The following TMBIM1 variants were observed in gnomAD, a reference collection of about 807,000 sequenced individuals.
TMBIM1 encodes protein lifeguard 3.
A neutral mutation model predicts 45.1 loss-of-function variants in TMBIM1; 34 were observed. That is an observed-to-expected ratio of 0.75 (90% CI 0.57 to 1.00). TMBIM1 has a LOEUF of 1.00. Among genes scored for constraint, TMBIM1 ranks in the 50% least tolerant of loss-of-function variants. The probability of loss-of-function intolerance (pLI) is 0.00; values close to 1 mark genes in which losing one functional copy is unlikely to be tolerated. For missense variants in TMBIM1, 374 were observed against 402.4 expected, an observed-to-expected ratio of 0.93 and a Z score of 0.60; for synonymous variants, 157 against 153.5, an observed-to-expected ratio of 1.02 and a Z score of -0.17.
Position 218,275,491 on chromosome 2 carries a change from A to G in TMBIM1, c.920T>C (p.Met307Thr). The G allele has an allele frequency of 6.2e-7, 1 of 1,613,826 alleles. No homozygotes were observed. Among genetic ancestry groups the G allele is most frequent in the Non-Finnish European group, 8.5e-7 (1 of 1,179,834 alleles). Reference sequence around the variant, plus strand: ...GCTTGCTCCTTAATTGCGATCCCCCATCAGCTGCAGCACAAAGGTGAAGAT... The same window carrying G: ...GCTTGCTCCTTAATTGCGATCCCCCGTCAGCTGCAGCACAAAGGTGAAGAT... ...IYIFTFVLQL[M>T]GDRN is the part of the protein sequence containing the mutation. Residue 307 changes from methionine (M) to threonine (T), a missense_variant, in exon 12 of 12, where the codon ATG becomes ACG. Transcript: ENST00000258412.
intron 11 of TMBIM1, 117 bp from the exon 12 acceptor site, chr2:218,275,738 A>C: frequency 2.4e-6 from 3 of 1,263,878 alleles, no homozygotes; most frequent in Non-Finnish European, 3.3e-6. Flanking sequence ...GGCCACATTA[A>C]CGCACAGCAT....
At chr2:218,286,073 G>C (rs1007600599) in intron 1 of TMBIM1, 5 of 154,576 alleles carry the variant, frequency 3.2e-5, no homozygotes, top group Non-Finnish European at 7.3e-5. Context: ...ACAGAGTGAG[G>C]ACTAGAAATC....
chr2:218,276,930 T>C, intron 10 of TMBIM1, 74 bp downstream of exon 10: 1 of 1,309,598 alleles, frequency 7.6e-7, no homozygotes, highest in Non-Finnish European at 1.1e-6. Context: ...CTTTGGGGCC[T>C]GCGAGACCAT....
intron 1 of TMBIM1, among the ~76,000 whole-genome samples, chr2:218,288,730 C>T (rs905235087): frequency 2.0e-5 from 3 of 152,098 alleles, no homozygotes; most frequent in Non-Finnish European, 4.4e-5. Context: ...TAGATGTCTG[C>T]CCCCATGGCT....
At chr2:218,275,769 T>C (rs1691139186) in intron 11 of TMBIM1, 148 bp from the exon 12 acceptor site, 2 of 1,063,016 alleles carry the variant, frequency 1.9e-6, no homozygotes, top group East Asian at 5.0e-5. Flanking sequence ...CTCTATACTG[T>C]AGCTGCTCAC....
At chr2:218,282,291 C>T in intron 1 of TMBIM1, 110 bp from the exon 2 acceptor site, 1 of 605,702 alleles carries the variant, frequency 1.7e-6, no homozygotes, top group Non-Finnish European at 2.7e-6. Flanking sequence ...AGGAACACCA[C>T]CTATTTTCTC....
chr2:218,275,530 G>A lies in TMBIM1; in HGVS notation c.881C>T (p.Thr294Ile). Residue 294 changes from threonine to isoleucine, a missense_variant, in exon 12 of 12, where the codon ACA (threonine) becomes ATA (isoleucine). Transcript: ENST00000258412. Reference protein sequence around the residue: ...DYITGALQIYTDIIYIFTFVL... With the variant: ...DYITGALQIYIDIIYIFTFVL... Reference sequence around the variant, plus strand: ...AAAGGTGAAGATGTAGATGATGTCTGTGTAAATCTGCAGGGCGCCAGTGAT... The same window carrying A: ...AAAGGTGAAGATGTAGATGATGTCTATGTAAATCTGCAGGGCGCCAGTGAT... 6.2e-7 allele frequency: 1 copy of A among 1,614,180 alleles called. No homozygotes were observed. Among genetic ancestry groups the A allele is most frequent in the South Asian group, 1.1e-5 (1 of 91,086 alleles).
intron 1 of TMBIM1, among the ~76,000 whole-genome samples, chr2:218,283,706 CTCTTT>C (rs1377631441): frequency 7.2e-5 from 11 of 152,166 alleles, no homozygotes; most frequent in Admixed American, 3.9e-4. Flanking sequence ...CTTATCTCTT[CTCTTT>C]TATGACAACT....
rs1372255191 is a variant in TMBIM1 at position 218,277,514 on chromosome 2, TCAC to T, written c.552-64_552-62del. On this transcript the variant is annotated intron_variant, in intron 8 of 11. Coordinates refer to ENST00000258412, the MANE Select transcript of TMBIM1 (RefSeq NM_022152.6). ...AAGCCACGTATGAATGACTTCAAAA[TCAC>T]CACTTCCAGAGGGGACCTGCCCAGA... is the stretch of plus-strand genomic sequence containing the variant. 58 of 1,608,560 alleles carry T rather than the reference TCAC, an allele frequency of 3.6e-5. No homozygotes were observed. The East Asian group carries it at 1.3e-3, about 35-fold the overall frequency.
intron 1 of TMBIM1, among the ~76,000 whole-genome samples, chr2:218,292,021 TGCCAGGCCCTG>T (rs1385516967): frequency 6.6e-6 from 1 of 151,102 alleles, no homozygotes; most frequent in African/African-American, 2.4e-5. Context: ...CTGGGGTCCG[TGCCAGGCCCTG>T]GCTGTCTCCC....
rs1319828881 is a variant in TMBIM1, at chr2:218,282,068, C to T, written c.74G>A (p.Gly25Asp). 1.3e-6 allele frequency: 2 copies of T among 1,595,648 alleles called. No individual in the cohort carries two copies. Among genetic ancestry groups the T allele is most frequent in the South Asian group, 1.1e-5 (1 of 88,606 alleles). Reference protein sequence around the residue: ...PLYPGPPPPGGYGQPSVLPGG... With the variant: ...PLYPGPPPPGDYGQPSVLPGG... ...TGGCAGGACAGATGGCTGCCCATAG[C>T]CCCCAGGGGGCGGAGGGCCTGGGTA... The change falls in exon 2 of 12, where the codon GGC becomes GAC. Residue 25 changes from glycine (G) to aspartate (D), a missense_variant. Coordinates refer to ENST00000258412, the MANE Select transcript of TMBIM1 (RefSeq NM_022152.6).
intron 6 of TMBIM1, 80 bp from the exon 7 acceptor site, chr2:218,278,054 T>TG (rs1194949157): frequency 1.3e-6 from 2 of 1,500,580 alleles, no homozygotes; most frequent in Admixed American, 3.6e-5. Flanking sequence ...AGGAAGCGCT[T>TG]GGCTCCTGTG....
Position 218,275,603 on chromosome 2 carries a change from G to T in TMBIM1, c.808C>A (p.Gln270Lys). 6.2e-7 allele frequency: 1 copy of T among 1,613,058 alleles called. No individual in the cohort carries two copies. Residue 270 changes from glutamine to lysine, a missense_variant, in exon 12 of 12, where the codon CAG becomes AAG. Physicochemically the swap from Gln to Lys is moderately conservative, Grantham distance 53. Coordinates refer to ENST00000258412, the MANE Select transcript of TMBIM1 (RefSeq NM_022152.6). ...CFTLFLAYDTQLVLGNRKHTI... is the reference protein window; with the variant it reads ...CFTLFLAYDTKLVLGNRKHTI... ...TGCTTCCGGTTCCCCAGGACCAGCT[G>T]TGTGTCGTAAGCCAGGAACTGCAAG...
chr2:218,281,886 T>G, intron 2 of TMBIM1, 54 bp downstream of exon 2: 1 of 1,452,632 alleles, frequency 6.9e-7, no homozygotes, highest in Non-Finnish European at 9.4e-7. Context: ...TGGCCTCATC[T>G]GCTCCAAGTG....
At chr2:218,289,625 GAAAAAAAA>G (rs10675061) in intron 1 of TMBIM1, among the ~76,000 whole-genome samples, 3 of 87,788 alleles carry the variant, frequency 3.4e-5, no homozygotes, top group Non-Finnish European at 6.3e-5. Flanking sequence ...CTGGGCGACA[GAAAAAAAA>G]AAAAAAAAAA....
intron 1 of TMBIM1, among the ~76,000 whole-genome samples, chr2:218,290,762 T>G (rs1481588421): frequency 6.6e-6 from 1 of 152,212 alleles, no homozygotes; most frequent in Non-Finnish European, 1.5e-5. Context: ...TGGATATCAT[T>G]TCTACTTCAA....
Position 218,287,571 on chromosome 2 carries a change from G to A in TMBIM1, c.-41+4895C>T, listed in dbSNP as rs759081331. On this transcript the variant is annotated intron_variant, in intron 1 of 11. Coordinates refer to ENST00000258412, the MANE Select transcript of TMBIM1 (RefSeq NM_022152.6). ...AAAAAATACAAAAAATTAGCTGGGC[G>A]TGATATCCCACACCTGAAGTCCCAG... 7.1e-4 allele frequency among the ~76,000 whole-genome samples: 108 copies of A among 152,134 alleles called. 1 individual carries two copies. The highest frequency in any genetic ancestry group is 2.2e-4 in the Non-Finnish European group (15 of 68,016).
At chr2:218,289,471 G>A (rs1391029447) in intron 1 of TMBIM1, among the ~76,000 whole-genome samples, 2 of 151,724 alleles carry the variant, frequency 1.3e-5, no homozygotes, top group Non-Finnish European at 2.9e-5. Context: ...GTGAAACCTC[G>A]TCTCTACTAA....
rs748414639 is a variant in TMBIM1 at position 218,277,369 on chromosome 2, G to T, written c.636C>A (p.Thr212=). 7.4e-6 allele frequency: 12 copies of T among 1,613,982 alleles called. No individual in the cohort carries two copies. The East Asian group carries it at 2.7e-4, about 36-fold the overall frequency. The change falls in exon 9 of 12, where the codon ACC becomes ACA. Residue 212 remains threonine (T), a synonymous_variant. Coordinates refer to ENST00000258412, the MANE Select transcript of TMBIM1 (RefSeq NM_022152.6). ...GAAGGGCCCTCCATGCCCTCACCTT[G>T]GTCTGAAAGCAGAAGATGGTGACTG... The part of the protein sequence containing the change: ...SISVTIFCFQ[T]KVDFTSCTGL...
Sources: gnomAD v4.1 joint callset for allele counts (sites outside exome capture counted in the v4.1 genomes callset) on GRCh38, gnomAD v4.1.1 for gene constraint, MANE v1.5 for transcripts, NCBI Gene and HGNC (gene_info 2026-07-23, HGNC 2026-07-21) for gene names.